CABLES2: variants seen among roughly 807,000 people sequenced by gnomAD.
The protein encoded by CABLES2 is CDK5 and ABL1 enzyme substrate 2.
CABLES2 carries 35 observed loss-of-function variants against 44.8 expected under a neutral mutation model. The ratio of observed to expected loss-of-function variants is 0.78; its 90% confidence interval spans 0.60 to 1.04. The LOEUF is 1.04. CABLES2 is among the 50% of genes least tolerant of loss of function. The pLI, the probability that CABLES2 is intolerant of heterozygous loss-of-function variation, is 0.00. For missense variants in CABLES2, 566 were observed against 615.7 expected (o/e 0.92, Z 0.85); for synonymous variants, 282 against 281.1 (o/e 1.00, Z -0.03).
intron 3 of CABLES2, 68 bp from the exon 4 acceptor site, chr20:62,395,082 G>A: frequency 8.4e-7 from 1 of 1,191,394 alleles, no homozygotes; most frequent in Non-Finnish European, 1.2e-6. Context: ...TGCTTCCAGA[G>A]CTACAGACAT....
At chr20:62,404,543 C>T (rs771853532) in intron 1 of CABLES2, 1 of 152,320 alleles carries the variant, frequency 6.6e-6, no homozygotes, top group Non-Finnish European at 1.5e-5. Flanking sequence ...GGGGCAGCCA[C>T]CCTTCCCTCG....
intron 7 of CABLES2, 26 bp downstream of exon 7, chr20:62,392,894 C>T (rs1171537012): frequency 3.7e-6 from 6 of 1,601,396 alleles, no homozygotes; most frequent in Non-Finnish European, 5.1e-6. Context: ...GCTGCCTGCA[C>T]CCAGGCCCTG....
chr20:62,399,591 T>C (rs868492787), intron 1 of CABLES2, among the ~76,000 whole-genome samples: 1 of 104,872 alleles, frequency 9.5e-6, no homozygotes, highest in Non-Finnish European at 1.9e-5. Context: ...TGGGGTCAGG[T>C]CCTTTTTTTT....
In CABLES2 at chr20:62,394,108, C is replaced by T. The variant is rs770768942; in HGVS notation, c.714+49G>A. ...CTGACGTGGGACTGCTCCCACCCGCCTGCCTGGCCCTGACGGCGCTGGGTG... is the reference window on the plus strand; with the variant it reads ...CTGACGTGGGACTGCTCCCACCCGCTTGCCTGGCCCTGACGGCGCTGGGTG... On this transcript the variant is annotated intron_variant, in intron 5 of 9. Transcript: ENST00000279101. The T allele has an allele frequency of 2.0e-6, 3 of 1,486,840 alleles. No homozygotes were observed. The South Asian group carries it at 3.4e-5, about 17-fold the overall frequency. 92.1% of individuals were successfully genotyped at this position (1,486,840 alleles called of 1,614,324 possible).
rs1569017640 is a variant in CABLES2, at chr20:62,398,112, G to GTGGTGGTGGTGGTGA, written c.363-1521_363-1520insTCACCACCACCACCA. ...GACGGTGGTGGTGGTGGTGATGGTG[G>GTGGTGGTGGTGGTGA]TGGTGGTGGTGGTTATGACGGTGGT... On this transcript the variant is annotated intron_variant, in intron 1 of 9. Transcript: ENST00000279101. 1.3e-4 allele frequency among the ~76,000 whole-genome samples: 17 copies of GTGGTGGTGGTGGTGA among 130,362 alleles called. No homozygotes were observed. The East Asian group carries it at 3.8e-3, about 29-fold the overall frequency. 85.5% of individuals were successfully genotyped at this position (130,362 alleles called of 152,430 possible).
intron 1 of CABLES2, among the ~76,000 whole-genome samples, chr20:62,401,816 G>C (rs1353930020): frequency 1.3e-5 from 2 of 152,208 alleles, no homozygotes; most frequent in Non-Finnish European, 2.9e-5. Flanking sequence ...TCCGTGGGGT[G>C]TGCCCAGGCA....
intron 1 of CABLES2, among the ~76,000 whole-genome samples, chr20:62,397,280 C>T (rs540306245): frequency 6.4e-4 from 98 of 152,286 alleles, no homozygotes; most frequent in Non-Finnish European, 1.1e-3. Flanking sequence ...CTGGTCACTA[C>T]AGGAAGGAGG....
intron 1 of CABLES2, among the ~76,000 whole-genome samples, chr20:62,398,090 G>T (rs1448287445): frequency 3.2e-5 from 3 of 94,410 alleles, no homozygotes; most frequent in Non-Finnish European, 6.4e-5. Flanking sequence ...TGGTGGTGAC[G>T]GTGGTGGTGG....
Position 62,390,783 on chromosome 20 carries a change from G to A in CABLES2, c.*188C>T. The A allele has an allele frequency of 1.6e-6, 1 of 624,246 alleles. No homozygotes were observed. Among genetic ancestry groups the A allele is most frequent in the Non-Finnish European group, 2.8e-6 (1 of 359,774 alleles). 38.7% of individuals were successfully genotyped at this position (624,246 alleles called of 1,614,324 possible). On this transcript the variant is annotated 3_prime_UTR_variant, in exon 10 of 10. Coordinates refer to ENST00000279101, the MANE Select transcript of CABLES2 (RefSeq NM_031215.3). Reference sequence around the variant, plus strand: ...CCCTCGGAGGGACGGTGCACTTGGGGATGAAAGCGACGTCTCTTTCCAAGG... The same window carrying A: ...CCCTCGGAGGGACGGTGCACTTGGGAATGAAAGCGACGTCTCTTTCCAAGG...
At chr20:62,403,812 A>G (rs1217299427) in intron 1 of CABLES2, 2 of 152,274 alleles carry the variant, frequency 1.3e-5, no homozygotes, top group African/African-American at 4.8e-5. Context: ...CTGGTTCAAC[A>G]CAAAGTGCCA....
At chr20:62,398,179 T>TGATGGTTATGAC (rs1988104198) in intron 1 of CABLES2, among the ~76,000 whole-genome samples, 1 of 95,308 alleles carries the variant, frequency 1.0e-5, no homozygotes, top group Non-Finnish European at 2.2e-5. Context: ...GTAATGGTGG[T>TGATGGTTATGAC]GGTGGTGATG....
chr20:62,398,256 TG>T (rs1569017975), intron 1 of CABLES2, among the ~76,000 whole-genome samples: 1 of 133,782 alleles, frequency 7.5e-6, no homozygotes, highest in East Asian at 2.1e-4. Context: ...GTGATGGTGG[TG>T]GTGATGGTGA....
In CABLES2 at chr20:62,388,647, G is replaced by A; in HGVS notation, c.*2324C>T. 4.8e-6 allele frequency: 3 copies of A among 625,020 alleles called. No individual in the cohort carries two copies. The highest frequency in any genetic ancestry group is 8.5e-6 in the Non-Finnish European group (3 of 354,024). 38.7% of individuals were successfully genotyped at this position (625,020 alleles called of 1,614,324 possible). ...CTGTGAAACATATTGCAAAACTGAGGTTTAAAGGACAAATACATTATCCAT... is the reference window on the plus strand; with the variant it reads ...CTGTGAAACATATTGCAAAACTGAGATTTAAAGGACAAATACATTATCCAT... On this transcript the variant is annotated 3_prime_UTR_variant, in exon 10 of 10. Transcript: ENST00000279101.
intron 1 of CABLES2, among the ~76,000 whole-genome samples, chr20:62,398,097 G>A (rs1222014719): frequency 9.5e-4 from 133 of 139,554 alleles, no homozygotes; most frequent in African/African-American, 3.0e-3. Flanking sequence ...GACGGTGGTG[G>A]TGGTGGTGAT....
intron 1 of CABLES2, among the ~76,000 whole-genome samples, chr20:62,399,508 A>G (rs573945635): frequency 8.0e-5 from 12 of 150,422 alleles, no homozygotes; most frequent in African/African-American, 2.9e-4. Flanking sequence ...CGGCCTCCCA[A>G]AGTGCTGGGA....
chr20:62,398,107 T>A (rs1189663695), intron 1 of CABLES2, among the ~76,000 whole-genome samples: 1 of 111,180 alleles, frequency 9.0e-6, no homozygotes, highest in Admixed American at 9.0e-5. Flanking sequence ...GTGGTGGTGA[T>A]GGTGGTGGTG....
chr20:62,405,630 CAA>C (rs890220163), intron 1 of CABLES2: 17 of 152,424 alleles, frequency 1.1e-4, no homozygotes, highest in African/African-American at 4.1e-4. Context: ...CTTCCCCAAC[CAA>C]AGACCTTAGA....
In CABLES2 at chr20:62,393,133, C is replaced by T. The variant is rs1987951562; in HGVS notation, c.881-110G>A. On this transcript the variant is annotated intron_variant, in intron 6 of 9. Coordinates refer to ENST00000279101, the MANE Select transcript of CABLES2 (RefSeq NM_031215.3). ...GGGGCAAGGCCGAGCAGGGGAGGGG[C>T]TCTAGGCCATGGTTCTCTCCTGAAG... 3.1e-6 allele frequency: 3 copies of T among 962,544 alleles called. No individual in the cohort carries two copies. The Admixed American group carries it at 6.3e-5, about 20-fold the overall frequency. 59.6% of individuals were successfully genotyped at this position (962,544 alleles called of 1,614,324 possible). A position where few individuals can be genotyped will look rare whatever the true frequency, so the allele number is the denominator to read the frequency against.
intron 3 of CABLES2, among the ~76,000 whole-genome samples, 161 bp from the exon 4 acceptor site, chr20:62,395,175 G>T (rs1385545081): frequency 6.6e-6 from 1 of 152,220 alleles, no homozygotes; most frequent in African/African-American, 2.4e-5. Flanking sequence ...CCAGGAGGCC[G>T]GGTGGCCACC....
Sources: allele counts gnomAD v4.1 joint callset (sites outside exome capture counted in the v4.1 genomes callset), GRCh38; gene constraint gnomAD v4.1.1; transcripts MANE v1.5; gene names NCBI Gene and HGNC (gene_info 2026-07-23, HGNC 2026-07-21).